The following ADK variants were observed in gnomAD, a reference collection of about 807,000 sequenced individuals.
The protein encoded by ADK is adenosine kinase, also known as N6,N6-dimethyladenosine kinase.
Under a neutral mutation model 44.7 loss-of-function variants are expected in ADK, and 24 were observed. The ratio of observed to expected loss-of-function variants is 0.54; its 90% CI spans 0.39 to 0.76. ADK has a LOEUF of 0.76. Ranked by LOEUF, ADK falls within the 30% of genes least tolerant of loss-of-function variation. The probability of loss-of-function intolerance (pLI) is 0.00; values close to 1 mark genes in which losing one functional copy is unlikely to be tolerated. For missense variants in ADK, 321 were observed against 425.1 expected (o/e 0.76, Z 2.15); for synonymous variants, 128 against 142.6 (o/e 0.90, Z 0.73).
chr10:74,658,879 T>C (rs1564840021), intron 9 of ADK, among the ~76,000 whole-genome samples: 2 of 150,634 alleles, frequency 1.3e-5, no homozygotes, highest in East Asian at 3.9e-4. Flanking sequence ...TAATTCATTA[T>C]ACACACACAC....
chr10:74,594,496 A>G (rs1305785569), intron 8 of ADK, among the ~76,000 whole-genome samples: 1 of 152,106 alleles, frequency 6.6e-6, no homozygotes, highest in East Asian at 1.9e-4. Flanking sequence ...AAAATATGAC[A>G]TATGGAAAAC....
intron 9 of ADK, among the ~76,000 whole-genome samples, chr10:74,665,759 GAGAGAGAGAGAGAGAGAGAGAGAC>G (rs1430142294): frequency 5.5e-4 from 83 of 151,242 alleles, no homozygotes; most frequent in African/African-American, 2.0e-3. Flanking sequence ...GAGAGAGAGA[GAGAGAGAGAGAGAGAGAGAGAGAC>G]AGACAGACAG....
chr10:74,297,615 A>T (rs1037540665), intron 3 of ADK, among the ~76,000 whole-genome samples: 1 of 152,214 alleles, frequency 6.6e-6, no homozygotes, highest in Non-Finnish European at 1.5e-5. Flanking sequence ...GGGGTTGGCA[A>T]ACTATGAGCT....
intron 3 of ADK, among the ~76,000 whole-genome samples, chr10:74,267,788 G>GTC (rs1323683731): frequency 1.1e-3 from 162 of 149,866 alleles, no homozygotes; most frequent in East Asian, 2.5e-3. Context: ...GTGTGTGTGT[G>GTC]TGTGTCTGTC....
intron 10 of ADK, among the ~76,000 whole-genome samples, chr10:74,676,352 A>T (rs933535586): frequency 8.6e-5 from 13 of 152,018 alleles, no homozygotes; most frequent in African/African-American, 3.1e-4. Context: ...CTGGTCTCGA[A>T]CTCCTGACCT....
At chr10:74,438,451 C>T (rs996701630) in intron 6 of ADK, among the ~76,000 whole-genome samples, 5 of 151,310 alleles carry the variant, frequency 3.3e-5, no homozygotes, top group African/African-American at 7.3e-5. Flanking sequence ...AGAGTGGTCT[C>T]GAACTCCTGA....
At chr10:74,670,344 T>G (rs1855123994) in intron 10 of ADK, 75 bp downstream of exon 10, 1 of 1,115,230 alleles carries the variant, frequency 9.0e-7, no homozygotes, top group African/African-American at 1.6e-5. Context: ...TAACCAAGAT[T>G]TATTCATTTA....
intron 2 of ADK, among the ~76,000 whole-genome samples, chr10:74,224,003 C>T (rs1164474528): frequency 6.6e-6 from 1 of 152,062 alleles, no homozygotes; most frequent in South Asian, 2.1e-4. Flanking sequence ...ACAGGAGAAT[C>T]GCTTGAACAG....
At chr10:74,189,042 G>A (rs780760892) in intron 1 of ADK, among the ~76,000 whole-genome samples, 4 of 151,696 alleles carry the variant, frequency 2.6e-5, no homozygotes, top group South Asian at 2.1e-4. Flanking sequence ...AAGTGCCACC[G>A]CTCCCAGCCA....
At chr10:74,176,694 C>T in intron 1 of ADK, 1 of 1,458,090 alleles carries the variant, frequency 6.9e-7, no homozygotes, top group Non-Finnish European at 9.0e-7. Context: ...CCCGCCTTCC[C>T]TCCAATCAGC....
At chr10:74,438,248 G>C (rs796348639) in intron 6 of ADK, among the ~76,000 whole-genome samples, 1 of 146,212 alleles carries the variant, frequency 6.8e-6, no homozygotes, top group African/African-American at 2.6e-5. Context: ...TTTTTTTTGA[G>C]ACAGTCTCCC....
intron 9 of ADK, among the ~76,000 whole-genome samples, chr10:74,648,291 C>T (rs754636461): frequency 3.9e-5 from 6 of 152,062 alleles, no homozygotes; most frequent in Non-Finnish European, 8.8e-5. Context: ...AACTGAAAGC[C>T]ATATGAAGAA....
chr10:74,256,814 G>C (rs141861591), intron 3 of ADK, among the ~76,000 whole-genome samples: 2 of 152,128 alleles, frequency 1.3e-5, no homozygotes, highest in Non-Finnish European at 2.9e-5. Context: ...TGAACCTAAC[G>C]TGTTTTTATT....
At chr10:74,260,460 A>G (rs922614074) in intron 3 of ADK, among the ~76,000 whole-genome samples, 7 of 152,122 alleles carry the variant, frequency 4.6e-5, no homozygotes, top group Non-Finnish European at 7.4e-5. Context: ...TTGTAGAAAC[A>G]GGGTTTTGCT....
intron 9 of ADK, among the ~76,000 whole-genome samples, chr10:74,601,615 T>C (rs1852123035): frequency 6.6e-6 from 1 of 152,088 alleles, no homozygotes; most frequent in Non-Finnish European, 1.5e-5. Flanking sequence ...AGTGGATATA[T>C]GGGGGCATCA....
intron 4 of ADK, among the ~76,000 whole-genome samples, chr10:74,350,277 C>G (rs1841920736): frequency 6.6e-6 from 1 of 152,112 alleles, no homozygotes; most frequent in Admixed American, 6.5e-5. Flanking sequence ...CAAAACCACC[C>G]AACTACATGG....
chr10:74,374,685 A>G (rs1462340094), intron 4 of ADK, among the ~76,000 whole-genome samples: 1 of 152,260 alleles, frequency 6.6e-6, no homozygotes. Flanking sequence ...TTCATAAAAT[A>G]TGCTATTATG....
chr10:74,168,333 A>T (rs1226954633), intron 1 of ADK, among the ~76,000 whole-genome samples: 2 of 152,030 alleles, frequency 1.3e-5, no homozygotes, highest in Non-Finnish European at 2.9e-5. Flanking sequence ...AGGTCAGGAG[A>T]TCGAGACCAT....
At chr10:74,388,446 T>C (rs570817752) in intron 4 of ADK, among the ~76,000 whole-genome samples, 20 of 152,272 alleles carry the variant, frequency 1.3e-4, no homozygotes, top group African/African-American at 4.6e-4. Flanking sequence ...ATGAATCAAT[T>C]TGGGGAGAAT....
Sources: gnomAD v4.1 joint callset for allele counts (sites outside exome capture counted in the v4.1 genomes callset) on GRCh38, gnomAD v4.1.1 for gene constraint, MANE v1.5 for transcripts, NCBI Gene and HGNC (gene_info 2026-07-23, HGNC 2026-07-21) for gene names.